TYW1B: variants seen among roughly 807,000 people sequenced by gnomAD.
TYW1B encodes the protein S-adenosyl-L-methionine-dependent tRNA 4-demethylwyosine synthase TYW1B.
Under a neutral mutation model 86.9 loss-of-function variants are expected in TYW1B, and 73 were observed. The observed-to-expected ratio is 0.84, with a 90% confidence interval of 0.70 to 1.02. The LOEUF (loss-of-function observed/expected upper bound fraction) is 1.02. Ranked by LOEUF, TYW1B falls within the 50% of genes least tolerant of loss-of-function variation. The pLI, the probability that TYW1B is intolerant of heterozygous loss-of-function variation, is 0.00. For missense variants in TYW1B, 637 were observed against 827.4 expected (o/e 0.77, Z 2.82); for synonymous variants, 248 against 292.8 (o/e 0.85, Z 1.56).
intron 2 of TYW1B, among the ~76,000 whole-genome samples, chr7:72,819,621 T>C (rs1788791086): frequency 6.6e-6 from 1 of 152,058 alleles, no homozygotes; most frequent in African/African-American, 2.4e-5. Context: ...TTTGTAGAGA[T>C]AGAGTTTTGC....
intron 10 of TYW1B, among the ~76,000 whole-genome samples, chr7:72,705,833 C>T (rs1308568171): frequency 1.3e-5 from 2 of 152,156 alleles, no homozygotes; most frequent in Non-Finnish European, 2.9e-5. Context: ...CAACAACTTC[C>T]TTGCCTTACA....
At chr7:72,826,467 C>T (rs1490317344) in intron 2 of TYW1B, among the ~76,000 whole-genome samples, 2 of 152,060 alleles carry the variant, frequency 1.3e-5, no homozygotes, top group African/African-American at 4.8e-5. Context: ...CCATTCCCTC[C>T]AAGAAAAAAC....
At chr7:72,675,376 G>A (rs1424767082) in intron 11 of TYW1B, among the ~76,000 whole-genome samples, 1 of 151,852 alleles carries the variant, frequency 6.6e-6, no homozygotes, top group Non-Finnish European at 1.5e-5. Flanking sequence ...TCCAGTCTGG[G>A]CAACAGAGTG....
intron 11 of TYW1B, among the ~76,000 whole-genome samples, chr7:72,643,529 G>T (rs1554441714): frequency 6.6e-6 from 1 of 151,912 alleles, no homozygotes; most frequent in East Asian, 1.9e-4. Flanking sequence ...GGAGGTGGCA[G>T]TCAGCCAAGA....
chr7:72,643,365 T>C (rs1554441697), intron 11 of TYW1B, among the ~76,000 whole-genome samples: 1 of 152,120 alleles, frequency 6.6e-6, no homozygotes, highest in African/African-American at 2.4e-5. Flanking sequence ...TGTGGGCGGA[T>C]CACCTAAGGT....
At chr7:72,789,880 C>T (rs1392881227) in intron 6 of TYW1B, among the ~76,000 whole-genome samples, 1 of 151,046 alleles carries the variant, frequency 6.6e-6, no homozygotes, top group Non-Finnish European at 1.5e-5. Context: ...TAGCCTTTGT[C>T]CCCAGCTCCT....
At chr7:72,790,625 C>T (rs1225123538) in intron 6 of TYW1B, among the ~76,000 whole-genome samples, 1 of 152,196 alleles carries the variant, frequency 6.6e-6, no homozygotes, top group Non-Finnish European at 1.5e-5. Flanking sequence ...GCTGCCTTGG[C>T]TGCCAGACCC....
At chr7:72,668,520 C>T (rs1327829475) in intron 11 of TYW1B, among the ~76,000 whole-genome samples, 1 of 152,110 alleles carries the variant, frequency 6.6e-6, no homozygotes, top group Non-Finnish European at 1.5e-5. Flanking sequence ...GAGAAAACTC[C>T]TTCTCAACAC....
intron 12 of TYW1B, among the ~76,000 whole-genome samples, chr7:72,618,865 A>G (rs1812145691): frequency 6.6e-6 from 1 of 152,180 alleles, no homozygotes; most frequent in Admixed American, 6.5e-5. Flanking sequence ...ACAACTTGCT[A>G]AAACTGCTGA....
intron 11 of TYW1B, among the ~76,000 whole-genome samples, chr7:72,669,375 AC>A (rs1813541267): frequency 6.6e-6 from 1 of 151,694 alleles, no homozygotes; most frequent in African/African-American, 2.4e-5. Flanking sequence ...TGAATTCCTG[AC>A]CTCAGGTGAT....
intron 9 of TYW1B, among the ~76,000 whole-genome samples, chr7:72,717,301 GAAA>G (rs78038647): frequency 1.5e-5 from 2 of 129,302 alleles, no homozygotes; most frequent in Admixed American, 7.9e-5. Context: ...ACCCTGTCTG[GAAA>G]AAAAAAAAAA....
chr7:72,632,267 ATATATATATATATACGTG>A (rs1206416747), intron 11 of TYW1B, among the ~76,000 whole-genome samples: 20 of 101,202 alleles, frequency 2.0e-4, no homozygotes, highest in South Asian at 1.0e-3. Context: ...TCCAAAAAAT[ATATATATATATATACGTG>A]TATATATATA....
At chr7:72,707,382 CAA>C (rs782502126) in intron 10 of TYW1B, among the ~76,000 whole-genome samples, 11 of 152,234 alleles carry the variant, frequency 7.2e-5, no homozygotes, top group Non-Finnish European at 1.6e-4. Context: ...CACCCAAGAC[CAA>C]AAGACTTCCA....
At chr7:72,575,802 G>C (rs575117796) in intron 13 of TYW1B, 83 bp from the exon 14 acceptor site, 1 of 1,558,072 alleles carries the variant, frequency 6.4e-7, no homozygotes, top group African/African-American at 1.4e-5. Flanking sequence ...TCATGAACAA[G>C]TCTGATCTTT....
At chr7:72,674,020 C>A (rs117469322) in intron 11 of TYW1B, among the ~76,000 whole-genome samples, 1,561 of 152,142 alleles carry the variant, frequency 0.01, 17 homozygotes, top group Non-Finnish European at 0.015. Context: ...AGGAGGACTA[C>A]CAGTTCAATA....
chr7:72,713,170 A>T (rs554789242), intron 10 of TYW1B, among the ~76,000 whole-genome samples: 17 of 151,684 alleles, frequency 1.1e-4, no homozygotes, highest in Non-Finnish European at 2.5e-4. Flanking sequence ...GCATGGTGCC[A>T]GGCACCTGTA....
At chr7:72,818,382 G>C (rs1198724666) in intron 2 of TYW1B, among the ~76,000 whole-genome samples, 2 of 151,740 alleles carry the variant, frequency 1.3e-5, no homozygotes, top group Admixed American at 1.3e-4. Flanking sequence ...AGGAGTTCGA[G>C]ACCAGCCTGG....
intron 11 of TYW1B, among the ~76,000 whole-genome samples, chr7:72,660,970 C>A (rs142849146): frequency 1.3e-5 from 2 of 150,734 alleles, no homozygotes; most frequent in Non-Finnish European, 3.0e-5. Context: ...CTCATCTCTA[C>A]TAAAAATACA....
At chr7:72,679,482 G>A (rs1443840527) in intron 11 of TYW1B, among the ~76,000 whole-genome samples, 17 of 152,258 alleles carry the variant, frequency 1.1e-4, no homozygotes, top group Admixed American at 7.9e-4. Flanking sequence ...ATGTGAATAC[G>A]TCACGAGCAT....
Sources: gnomAD v4.1 joint callset for allele counts (sites outside exome capture counted in the v4.1 genomes callset) on GRCh38, gnomAD v4.1.1 for gene constraint, MANE v1.5 for transcripts, NCBI Gene and HGNC (gene_info 2026-07-23, HGNC 2026-07-21) for gene names.